Variants in NCOA1 observed in about 807,000 individuals in gnomAD.
NCOA1 encodes Hin-2 protein.
NCOA1 carries 35 observed loss-of-function variants against 150.9 expected under a neutral mutation model. That is an observed-to-expected ratio of 0.23 (90% CI 0.18 to 0.31). NCOA1 has a LOEUF of 0.31. NCOA1 is among the 10% of genes least tolerant of loss of function. NCOA1 has a pLI of 1.00. For synonymous variants in NCOA1, 590 were observed against 630.0 expected, an observed-to-expected ratio of 0.94 and a Z score of 0.95; for missense variants, 1,491 against 1,749.3, an observed-to-expected ratio of 0.85 and a Z score of 2.63.
chr2:24,670,098 A>C (rs1051133257), intron 6 of NCOA1, among the ~76,000 whole-genome samples: 21 of 152,302 alleles, frequency 1.4e-4, no homozygotes, highest in African/African-American at 4.8e-4. Context: ...TGATTGTGCC[A>C]CTGCACTCCA....
intron 14 of NCOA1, among the ~76,000 whole-genome samples, chr2:24,715,772 A>T (rs907342097): frequency 3.9e-5 from 6 of 152,334 alleles, no homozygotes; most frequent in East Asian, 1.9e-4. Flanking sequence ...ATTTTCATGG[A>T]TTGTAAGACA....
intron 1 of NCOA1, among the ~76,000 whole-genome samples, chr2:24,508,280 C>G (rs953881528): frequency 6.6e-6 from 1 of 151,806 alleles, no homozygotes; most frequent in Non-Finnish European, 1.5e-5. Context: ...AAAAGGGGGG[C>G]TTATTTAAAA....
At chr2:24,620,461 G>A (rs56191263) in intron 3 of NCOA1, among the ~76,000 whole-genome samples, 28,981 of 152,006 alleles carry the variant, frequency 0.19, 2,943 homozygotes, top group Non-Finnish European at 0.23. Context: ...AAAATTAGCC[G>A]GGTGTGGTGG....
At position 24,693,319 on chromosome 2, in the gene NCOA1, A is replaced by T. The variant is rs1271701837; in HGVS notation, c.780A>T (p.Glu260Asp). The T allele has an allele frequency of 1.2e-6, 2 of 1,614,016 alleles. No individual in the cohort carries two copies. The highest frequency in any genetic ancestry group is 1.7e-6 in the Non-Finnish European group (2 of 1,180,000). ...LPRPPAITGVESFMTKQDTTG... is the reference protein window; with the variant it reads ...LPRPPAITGVDSFMTKQDTTG... ...GGCCTCCAGCTATTACGGGTGTAGA[A>T]TCCTTTATGACCAAGCAAGATACTA... The change falls in exon 10 of 23, where the codon GAA (glutamate) becomes GAT (aspartate). Residue 260 changes from glutamate to aspartate, a missense_variant. Physicochemically the swap from Glu to Asp is conservative, Grantham distance 45. This residue lies in a region of NCOA1 where 99 missense variants were observed against 122.8 expected (regional missense o/e 0.81). Coordinates refer to ENST00000348332, the MANE Select transcript of NCOA1 (RefSeq NM_003743.5).
In NCOA1 at chr2:24,762,863, T is replaced by G. The variant is rs555938554; in HGVS notation, c.4155+87T>G. 5.0e-6 allele frequency: 6 copies of G among 1,210,488 alleles called. No individual in the cohort carries two copies. The East Asian group carries it at 1.4e-4, about 29-fold the overall frequency. The allele number at this position is 1,210,488 out of a possible 1,614,324, so 75.0% of individuals were successfully genotyped here. On this transcript the variant is annotated intron_variant, in intron 22 of 22. Transcript: ENST00000348332. ...GTGTAGCATCATTAAGAGCCTGACC[T>G]TGGGAGTCAGACCTGGGTGTGAGTC...
intron 3 of NCOA1, among the ~76,000 whole-genome samples, chr2:24,597,212 A>G (rs1453807633): frequency 6.6e-6 from 1 of 152,194 alleles, no homozygotes; most frequent in Non-Finnish European, 1.5e-5. Context: ...CTCATAACCT[A>G]TAACCTTATG....
intron 1 of NCOA1, among the ~76,000 whole-genome samples, chr2:24,532,530 G>A (rs1248416090): frequency 3.3e-5 from 5 of 152,142 alleles, no homozygotes; most frequent in African/African-American, 1.2e-4. Context: ...CCTTGCCCAT[G>A]CCTATGTCCT....
In NCOA1 at chr2:24,547,485, C is replaced by T. The variant is rs1029859563; in HGVS notation, c.-395-16810C>T. ...TTCCCTGAACTGGAGGGCTTACTGACGTGTCCATATTTTTTTAAACCCTGA... is the reference window on the plus strand; with the variant it reads ...TTCCCTGAACTGGAGGGCTTACTGATGTGTCCATATTTTTTTAAACCCTGA... On this transcript the variant is annotated intron_variant, in intron 1 of 22. Transcript: ENST00000348332. Among the ~76,000 whole-genome samples, 14 of 152,236 alleles carry T rather than the reference C, an allele frequency of 9.2e-5. No homozygotes were observed. In the East Asian group the frequency reaches 1.3e-3, roughly 15 times the overall value.
chr2:24,658,847 A>G (rs552654783), intron 5 of NCOA1, 81 bp downstream of exon 5: 2 of 1,274,164 alleles, frequency 1.6e-6, no homozygotes, highest in Non-Finnish European at 2.2e-6. Flanking sequence ...TGTTTAATCT[A>G]CTCCAAGTTC....
intron 4 of NCOA1, among the ~76,000 whole-genome samples, chr2:24,652,922 T>C (rs985594418): frequency 6.6e-6 from 1 of 152,184 alleles, no homozygotes; most frequent in Non-Finnish European, 1.5e-5. Flanking sequence ...TGTAATAGTT[T>C]TTCCTCATGA....
chr2:24,748,128 A>G (rs1234298531), intron 19 of NCOA1, among the ~76,000 whole-genome samples: 2 of 152,090 alleles, frequency 1.3e-5, no homozygotes, highest in Non-Finnish European at 2.9e-5. Flanking sequence ...AAAAGAAAAA[A>G]AAATGGAGAC....
chr2:24,743,367 A>G (rs1457392996), intron 19 of NCOA1, among the ~76,000 whole-genome samples: 1 of 152,214 alleles, frequency 6.6e-6, no homozygotes, highest in Non-Finnish European at 1.5e-5. Context: ...AGCAAATACT[A>G]AAATCCTTTG....
At chr2:24,557,715 A>G (rs1401049077) in intron 1 of NCOA1, among the ~76,000 whole-genome samples, 1 of 152,042 alleles carries the variant, frequency 6.6e-6, no homozygotes, top group Non-Finnish European at 1.5e-5. Context: ...TGGTTATTGA[A>G]TTCTATACAT....
At chr2:24,621,009 A>G (rs1022503579) in intron 3 of NCOA1, among the ~76,000 whole-genome samples, 12 of 152,168 alleles carry the variant, frequency 7.9e-5, no homozygotes, top group Admixed American at 4.6e-4. Flanking sequence ...TGAATTCATG[A>G]TACCATGTTT....
intron 1 of NCOA1, among the ~76,000 whole-genome samples, chr2:24,539,511 G>A (rs1665303362): frequency 1.3e-5 from 2 of 152,168 alleles, no homozygotes; most frequent in Admixed American, 6.5e-5. Context: ...ATATACTAAG[G>A]CATTTAGAGT....
In NCOA1 at chr2:24,770,064, A is replaced by G. The variant is rs1665248310; in HGVS notation, c.*1673A>G. The G allele has an allele frequency of 4.4e-6, 1 of 229,308 alleles. No individual in the cohort carries two copies. Among genetic ancestry groups the G allele is most frequent in the South Asian group, 1.8e-4 (1 of 5,500 alleles). The allele number at this position is 229,308 out of a possible 1,614,324, so 14.2% of individuals were successfully genotyped here. On this transcript the variant is annotated 3_prime_UTR_variant, in exon 23 of 23. Transcript: ENST00000348332. ...ATTGAACAGCATCTATTCAGAAACT[A>G]TGCCGAATAAAAAGATTGGTGGAAG... is the stretch of plus-strand genomic sequence containing the variant.
chr2:24,556,450 A>G (rs550256283), intron 1 of NCOA1, among the ~76,000 whole-genome samples: 4 of 152,208 alleles, frequency 2.6e-5, no homozygotes, highest in Non-Finnish European at 5.9e-5. Context: ...GCTACAGTGA[A>G]CATACGCTTG....
chr2:24,500,846 G>C (rs1428250799), intron 1 of NCOA1, among the ~76,000 whole-genome samples: 1 of 152,136 alleles, frequency 6.6e-6, no homozygotes, highest in East Asian at 1.9e-4. Flanking sequence ...CTACCTTTCA[G>C]AACAACAACA....
intron 17 of NCOA1, among the ~76,000 whole-genome samples, chr2:24,738,113 A>T (rs1663419470): frequency 6.6e-6 from 1 of 152,010 alleles, no homozygotes; most frequent in Non-Finnish European, 1.5e-5. Context: ...CTTTTCCCCA[A>T]AATTGGTTTG....
Sources: allele counts gnomAD v4.1 joint callset (sites outside exome capture counted in the v4.1 genomes callset), GRCh38; gene constraint gnomAD v4.1.1; regional missense constraint gnomAD v4.1.1; transcripts MANE v1.5; gene names NCBI Gene and HGNC (gene_info 2026-07-23, HGNC 2026-07-21).